SUPT3H: variants seen among roughly 807,000 people sequenced by gnomAD.
The protein encoded by SUPT3H is transcription initiation protein SPT3 homolog.
SUPT3H carries 44 observed loss-of-function variants against 44.3 expected under a neutral mutation model. That is an observed-to-expected ratio of 0.99 (90% CI 0.78 to 1.28). The LOEUF is 1.28. Ranked by LOEUF, SUPT3H falls within the 50% of genes most tolerant of loss-of-function variation. The pLI is 0.00. For synonymous variants in SUPT3H, 124 were observed against 125.6 expected, an observed-to-expected ratio of 0.99 and a Z score of 0.09; for missense variants, 380 against 387.1, an observed-to-expected ratio of 0.98 and a Z score of 0.15.
chr6:45,074,090 C>A (rs968908190), intron 3 of SUPT3H, among the ~76,000 whole-genome samples: 1 of 151,922 alleles, frequency 6.6e-6, no homozygotes, highest in African/African-American at 2.4e-5. Context: ...TAATTTTAGT[C>A]ACACAGTCCT....
chr6:45,278,751 G>A (rs999976963), intron 2 of SUPT3H, among the ~76,000 whole-genome samples: 1 of 152,184 alleles, frequency 6.6e-6, no homozygotes, highest in African/African-American at 2.4e-5. Flanking sequence ...TAAGAAGTCT[G>A]TGACTTGTTC....
intron 2 of SUPT3H, among the ~76,000 whole-genome samples, chr6:45,277,243 C>T (rs536642887): frequency 1.3e-5 from 2 of 151,948 alleles, no homozygotes; most frequent in Non-Finnish European, 2.9e-5. Context: ...TTAGAAGTGT[C>T]CAAATTATAT....
intron 2 of SUPT3H, among the ~76,000 whole-genome samples, chr6:45,129,213 T>C (rs1193242180): frequency 3.3e-5 from 5 of 152,230 alleles, no homozygotes; most frequent in Admixed American, 6.5e-5. Context: ...GCTATTACAC[T>C]GTACAAAGCC....
chr6:44,962,101 A>C (rs1481503584), intron 6 of SUPT3H, among the ~76,000 whole-genome samples: 1 of 152,172 alleles, frequency 6.6e-6, no homozygotes, highest in Non-Finnish European at 1.5e-5. Flanking sequence ...TCTGACTTGT[A>C]TCATCCTTTT....
chr6:45,309,023 T>C (rs1288802176), intron 2 of SUPT3H, among the ~76,000 whole-genome samples: 1 of 151,974 alleles, frequency 6.6e-6, no homozygotes, highest in African/African-American at 2.4e-5. Flanking sequence ...TTTTTGTTTT[T>C]CCTGAGCTAT....
At chr6:45,022,542 T>C (rs1159681718) in intron 3 of SUPT3H, among the ~76,000 whole-genome samples, 1 of 152,022 alleles carries the variant, frequency 6.6e-6, no homozygotes, top group Non-Finnish European at 1.5e-5. Context: ...TACCTGTTTT[T>C]CTAATTTATC....
chr6:45,362,943 T>G (rs1196738079), intron 2 of SUPT3H, among the ~76,000 whole-genome samples: 2 of 152,080 alleles, frequency 1.3e-5, no homozygotes, highest in African/African-American at 4.8e-5. Flanking sequence ...TTTAATTTAA[T>G]TTTTAATTTT....
chr6:44,851,498 G>C (rs1194084630), intron 10 of SUPT3H, among the ~76,000 whole-genome samples: 2 of 152,144 alleles, frequency 1.3e-5, no homozygotes, highest in East Asian at 1.9e-4. Context: ...TCTAAGACTT[G>C]TGCTAGATAT....
intron 2 of SUPT3H, among the ~76,000 whole-genome samples, chr6:45,142,051 C>A (rs1805299943): frequency 6.6e-6 from 1 of 152,160 alleles, no homozygotes; most frequent in African/African-American, 2.4e-5. Context: ...GCAGATTTCT[C>A]ACCAGAAACC....
At chr6:45,196,899 C>T (rs868286751) in intron 2 of SUPT3H, among the ~76,000 whole-genome samples, 25 of 151,356 alleles carry the variant, frequency 1.7e-4, no homozygotes, top group Admixed American at 1.3e-4. Flanking sequence ...TTTTTTAAAA[C>T]CCTGTCTTTA....
At chr6:45,083,167 CATTATTATTATTATTATT>C (rs112983311) in intron 3 of SUPT3H, among the ~76,000 whole-genome samples, 3 of 143,936 alleles carry the variant, frequency 2.1e-5, no homozygotes, top group Admixed American at 7.0e-5. Context: ...ATTAAAGAAT[CATTATTATTATTATTATT>C]ATTATTATTA....
At chr6:44,849,220 C>A (rs931673190) in intron 10 of SUPT3H, among the ~76,000 whole-genome samples, 12 of 96,634 alleles carry the variant, frequency 1.2e-4, no homozygotes, top group Admixed American at 1.1e-3. Context: ...CAAATGAATA[C>A]TTTTTTTTTT....
intron 3 of SUPT3H, among the ~76,000 whole-genome samples, chr6:45,064,382 T>C (rs1290809679): frequency 7.0e-6 from 1 of 143,132 alleles, no homozygotes; most frequent in East Asian, 2.1e-4. Context: ...CCATCGAGAC[T>C]AGGAAGAAAC....
At chr6:45,057,988 A>T (rs866209433) in intron 3 of SUPT3H, among the ~76,000 whole-genome samples, 1 of 152,230 alleles carries the variant, frequency 6.6e-6, no homozygotes, top group South Asian at 2.1e-4. Context: ...AGTTATACAC[A>T]TGAAACAATG....
chr6:45,209,288 A>G (rs2396425), intron 2 of SUPT3H, among the ~76,000 whole-genome samples: 61,567 of 152,000 alleles, frequency 0.41, 12,895 homozygotes, highest in East Asian at 0.71. Flanking sequence ...GTTGCCACAG[A>G]TAGTGATTCC....
intron 2 of SUPT3H, among the ~76,000 whole-genome samples, chr6:45,235,585 C>T (rs557771931): frequency 3.7e-4 from 57 of 152,194 alleles, no homozygotes; most frequent in African/African-American, 1.2e-3. Context: ...CAAACACACA[C>T]GCGCATTTAT....
chr6:44,887,903 C>T (rs1388591453), intron 10 of SUPT3H, among the ~76,000 whole-genome samples: 6 of 151,760 alleles, frequency 4.0e-5, no homozygotes, highest in African/African-American at 9.7e-5. Context: ...GAGAGAAGAA[C>T]CAAATAGAGG....
intron 2 of SUPT3H, among the ~76,000 whole-genome samples, chr6:45,299,446 T>G (rs9296458): frequency 1.3e-5 from 2 of 151,876 alleles, no homozygotes; most frequent in African/African-American, 2.4e-5. Flanking sequence ...AAATCTTAAC[T>G]GAAGATTGAA....
chr6:44,928,248 C>T (rs1029271856), intron 10 of SUPT3H, among the ~76,000 whole-genome samples: 6 of 152,128 alleles, frequency 3.9e-5, no homozygotes, highest in Admixed American at 3.9e-4. Flanking sequence ...AGATGGCAAG[C>T]ATCAAAATCA....
Sources: allele counts gnomAD v4.1 joint callset (sites outside exome capture counted in the v4.1 genomes callset), GRCh38; gene constraint gnomAD v4.1.1; transcripts MANE v1.5; gene names NCBI Gene and HGNC (gene_info 2026-07-23, HGNC 2026-07-21).